CLEC9A: variants seen among roughly 807,000 people sequenced by gnomAD.
CLEC9A encodes C-type lectin domain containing 9A.
Under a neutral mutation model 30.0 loss-of-function variants are expected in CLEC9A, and 24 were observed. That is an observed-to-expected ratio of 0.80 (90% CI 0.58 to 1.13). CLEC9A has a LOEUF of 1.13. Ranked by LOEUF, CLEC9A falls within the 50% of genes most tolerant of loss-of-function variation. The pLI is 0.00. For synonymous variants in CLEC9A, 111 were observed against 96.8 expected (o/e 1.15, Z -0.86); for missense variants, 251 against 280.9 (o/e 0.89, Z 0.76).
intron 1 of CLEC9A, among the ~76,000 whole-genome samples, chr12:10,035,257 G>A (rs909936294): frequency 2.6e-5 from 4 of 152,162 alleles, no homozygotes; most frequent in African/African-American, 9.7e-5. Flanking sequence ...GGACATGCGG[G>A]CCAGGATGGT....
chr12:10,046,848 G>A (rs1401522197), intron 2 of CLEC9A, among the ~76,000 whole-genome samples: 1 of 152,138 alleles, frequency 6.6e-6, no homozygotes, highest in Non-Finnish European at 1.5e-5. Context: ...CTTACTCTCT[G>A]TATGGCTTTG....
chr12:10,058,101 G>C (rs1184410365), intron 5 of CLEC9A, among the ~76,000 whole-genome samples: 2 of 151,760 alleles, frequency 1.3e-5, no homozygotes, highest in Non-Finnish European at 2.9e-5. Context: ...TCCCATTTAG[G>C]GTAAAACTCT....
At chr12:10,056,094 TA>T (rs1358678715) in intron 5 of CLEC9A, among the ~76,000 whole-genome samples, 1 of 139,194 alleles carries the variant, frequency 7.2e-6, no homozygotes, top group African/African-American at 2.6e-5. Flanking sequence ...AGATACACTC[TA>T]CATTTTCCAT....
intron 2 of CLEC9A, among the ~76,000 whole-genome samples, chr12:10,044,635 C>A (rs957531227): frequency 6.6e-6 from 1 of 152,218 alleles, no homozygotes; most frequent in African/African-American, 2.4e-5. Flanking sequence ...AACATCACTT[C>A]TTCAATGAGG....
At chr12:10,052,391 C>T (rs1019546907) in intron 3 of CLEC9A, 2 of 579,578 alleles carry the variant, frequency 3.5e-6, no homozygotes, top group Non-Finnish European at 4.7e-6. Flanking sequence ...CTGCTATCAC[C>T]TTCAACATCT....
At chr12:10,059,743 C>A (rs1282260701) in intron 5 of CLEC9A, among the ~76,000 whole-genome samples, 2 of 151,786 alleles carry the variant, frequency 1.3e-5, no homozygotes, top group Non-Finnish European at 2.9e-5. Context: ...CCCATCTCTA[C>A]AAAAATAAAT....
chr12:10,064,604 C>G, intron 7 of CLEC9A, 128 bp from the exon 8 acceptor site: 1 of 956,648 alleles, frequency 1.0e-6, no homozygotes, highest in Non-Finnish European at 1.5e-6. Context: ...TTATAATACT[C>G]CCTTCTCTCC....
chr12:10,056,583 G>A (rs958517457), intron 5 of CLEC9A, among the ~76,000 whole-genome samples: 2 of 152,086 alleles, frequency 1.3e-5, no homozygotes, highest in African/African-American at 4.8e-5. Flanking sequence ...GATTAAGAAT[G>A]AACATTTTCT....
At chr12:10,046,032 A>T (rs940509344) in intron 2 of CLEC9A, among the ~76,000 whole-genome samples, 2 of 152,246 alleles carry the variant, frequency 1.3e-5, no homozygotes, top group Non-Finnish European at 2.9e-5. Context: ...AGATAGCGTG[A>T]CGTAACAAAA....
chr12:10,035,876 A>G (rs1239526021), intron 1 of CLEC9A, among the ~76,000 whole-genome samples: 1 of 152,204 alleles, frequency 6.6e-6, no homozygotes, highest in African/African-American at 2.4e-5. Context: ...AAGTATTGGG[A>G]TTACAGGAGT....
intron 1 of CLEC9A, among the ~76,000 whole-genome samples, chr12:10,033,120 A>G (rs1284655025): frequency 6.6e-6 from 1 of 152,146 alleles, no homozygotes; most frequent in African/African-American, 2.4e-5. Context: ...CCTTTTCATA[A>G]CATACATTCT....
chr12:10,032,765 G>A lies in CLEC9A; in HGVS notation c.-318+1793G>A, dbSNP rs79030840. On this transcript the variant is annotated intron_variant, in intron 1 of 8. Transcript: ENST00000355819. ...TATCAATTTCTTTTCATCTCCACTT[G>A]TTCACTCACCTTCACCTCCCAACAT... Among the ~76,000 whole-genome samples the A allele has an allele frequency of 2.4e-4, 37 of 151,928 alleles. No homozygotes were observed. The East Asian group carries it at 6.8e-3, about 28-fold the overall frequency.
At chr12:10,046,044 G>A (rs928301997) in intron 2 of CLEC9A, among the ~76,000 whole-genome samples, 1 of 152,166 alleles carries the variant, frequency 6.6e-6, no homozygotes, top group Non-Finnish European at 1.5e-5. Context: ...GTAACAAAAA[G>A]AATACTAAAC....
intron 3 of CLEC9A, 25 bp from the exon 4 acceptor site, chr12:10,052,605 A>G: frequency 1.3e-6 from 2 of 1,560,474 alleles, no homozygotes; most frequent in Non-Finnish European, 1.7e-6. Context: ...TTCAGTTCTT[A>G]CACCAACCTG....
At position 10,061,216 on chromosome 12, in the gene CLEC9A, A is replaced by C; in HGVS notation, c.262A>C (p.Ser88Arg). The C allele has an allele frequency of 6.2e-7, 1 of 1,612,210 alleles. No individual in the cohort carries two copies. ...GCTAAACTTTACAGAATGGAAGAGA[A>C]GCTGTGCCCTTCAGATGAAATATTG... is the stretch of plus-strand genomic sequence containing the variant. Reference protein sequence around the residue: ...ALLNFTEWKRSCALQMKYCQA... With the variant: ...ALLNFTEWKRRCALQMKYCQA... The change falls in exon 6 of 9, where the codon AGC becomes CGC. Residue 88 changes from serine (S) to arginine (R), a missense_variant. By Grantham distance (110) the Ser-to-Arg change is moderately radical. Transcript: ENST00000355819.
At chr12:10,052,871 C>A in intron 4 of CLEC9A, 93 bp downstream of exon 4, 2 of 1,368,126 alleles carry the variant, frequency 1.5e-6, no homozygotes, top group South Asian at 1.4e-5. Flanking sequence ...TTATTCTAAT[C>A]CGAGATAATC....
chr12:10,032,397 T>TC (rs1865706397), intron 1 of CLEC9A, among the ~76,000 whole-genome samples: 1 of 148,228 alleles, frequency 6.7e-6, no homozygotes, highest in African/African-American at 2.5e-5. Context: ...TTCTTTTTTT[T>TC]TTTTTTTTTT....
chr12:10,046,204 C>T (rs900704063), intron 2 of CLEC9A, among the ~76,000 whole-genome samples: 2 of 152,130 alleles, frequency 1.3e-5, no homozygotes, highest in African/African-American at 4.8e-5. Context: ...TAAAATAAAA[C>T]TTTGTAGTGT....
Position 10,045,062 on chromosome 12 carries a change from C to A in CLEC9A, c.-163+3442C>A, listed in dbSNP as rs556648804. On this transcript the variant is annotated intron_variant, in intron 2 of 8. Transcript: ENST00000355819. ...TGAATCAACTCACTTTTCCATGAAC[C>A]TATTCCCATCCATTGCAGATACTTG... Among the ~76,000 whole-genome samples, 6 of 152,318 alleles carry A rather than the reference C, an allele frequency of 3.9e-5. No homozygotes were observed. In the East Asian group the frequency reaches 1.2e-3, roughly 29 times the overall value.
Sources: gnomAD v4.1 joint callset for allele counts (sites outside exome capture counted in the v4.1 genomes callset) on GRCh38, gnomAD v4.1.1 for gene constraint, MANE v1.5 for transcripts, NCBI Gene and HGNC (gene_info 2026-07-23, HGNC 2026-07-21) for gene names.